The following SORCS1 variants were observed in gnomAD, a reference collection of about 807,000 sequenced individuals.
The protein encoded by SORCS1 is sortilin related VPS10 domain containing receptor 1.
In SORCS1, 60 loss-of-function variants were observed where a neutral mutation model predicts 146.1. The ratio of observed to expected loss-of-function variants is 0.41; its 90% CI spans 0.33 to 0.51. SORCS1 has a LOEUF of 0.51. Among genes scored for constraint, SORCS1 ranks in the 20% least tolerant of loss-of-function variants. The pLI, the probability that SORCS1 is intolerant of heterozygous loss-of-function variation, is 0.21. For missense variants in SORCS1, 1,352 were observed against 1,487.6 expected, an observed-to-expected ratio of 0.91 and a Z score of 1.50; for synonymous variants, 637 against 584.0, an observed-to-expected ratio of 1.09 and a Z score of -1.31.
intron 6 of SORCS1, among the ~76,000 whole-genome samples, chr10:106,725,312 G>A (rs1346408239): frequency 6.6e-6 from 1 of 152,012 alleles, no homozygotes; most frequent in Non-Finnish European, 1.5e-5. Context: ...CACTTTGAAA[G>A]GCCGAGGCAG....
chr10:106,937,972 G>GAAA (rs76116094), intron 2 of SORCS1, among the ~76,000 whole-genome samples: 7 of 129,144 alleles, frequency 5.4e-5, no homozygotes, highest in Non-Finnish European at 4.8e-5. Flanking sequence ...TCAAAAAGAA[G>GAAA]AAAAAAAAAA....
At chr10:107,043,075 A>AG (rs1959183029) in intron 1 of SORCS1, among the ~76,000 whole-genome samples, 1 of 152,214 alleles carries the variant, frequency 6.6e-6, no homozygotes, top group Non-Finnish European at 1.5e-5. Flanking sequence ...ATTCAAATAC[A>AG]CTATTAAGCT....
chr10:106,935,515 T>A (rs1437712152), intron 2 of SORCS1, among the ~76,000 whole-genome samples: 1 of 152,150 alleles, frequency 6.6e-6, no homozygotes, highest in East Asian at 1.9e-4. Flanking sequence ...TAAAAAAAAT[T>A]CCTAGAAGAA....
At chr10:106,718,988 T>C (rs1403125434) in intron 6 of SORCS1, among the ~76,000 whole-genome samples, 1 of 152,154 alleles carries the variant, frequency 6.6e-6, no homozygotes, top group African/African-American at 2.4e-5. Flanking sequence ...AAAGCACTGA[T>C]TAGTGCGTTT....
At chr10:106,873,132 C>T (rs1180803047) in intron 2 of SORCS1, among the ~76,000 whole-genome samples, 3 of 152,042 alleles carry the variant, frequency 2.0e-5, no homozygotes, top group South Asian at 2.1e-4. Flanking sequence ...CGAGATTGCA[C>T]CACTGCACTC....
At chr10:106,755,258 C>T (rs923079123) in intron 5 of SORCS1, among the ~76,000 whole-genome samples, 3 of 152,142 alleles carry the variant, frequency 2.0e-5, no homozygotes, top group African/African-American at 7.2e-5. Flanking sequence ...GTTTTTTCTC[C>T]TGTCTTTTAT....
intron 19 of SORCS1, among the ~76,000 whole-genome samples, chr10:106,622,289 GAAAAA>G (rs554464573): frequency 2.6e-5 from 1 of 39,038 alleles, no homozygotes; most frequent in Non-Finnish European, 5.1e-5. Flanking sequence ...ATTCCATCTC[GAAAAA>G]AAAAAAAAAA....
At chr10:106,963,952 T>C (rs1955379534) in intron 1 of SORCS1, among the ~76,000 whole-genome samples, 1 of 152,182 alleles carries the variant, frequency 6.6e-6, no homozygotes, top group Admixed American at 6.5e-5. Context: ...GAGGGAAGTG[T>C]TTCTATCTTT....
intron 17 of SORCS1, among the ~76,000 whole-genome samples, chr10:106,666,100 G>A (rs182376854): frequency 1.1e-4 from 16 of 152,154 alleles, no homozygotes; most frequent in South Asian, 4.2e-4. Flanking sequence ...TCACCCTCCC[G>A]AAATGCTGAG....
intron 2 of SORCS1, among the ~76,000 whole-genome samples, chr10:106,888,400 A>G (rs571786779): frequency 9.8e-4 from 149 of 152,314 alleles, no homozygotes; most frequent in Non-Finnish European, 1.5e-3. Flanking sequence ...ACTGGAAAAG[A>G]AGAAAATATC....
intron 16 of SORCS1, among the ~76,000 whole-genome samples, chr10:106,669,206 C>T (rs1469032249): frequency 6.6e-6 from 1 of 151,904 alleles, no homozygotes; most frequent in Non-Finnish European, 1.5e-5. Context: ...ATCTGGTATT[C>T]CTTTCATTCT....
intron 2 of SORCS1, among the ~76,000 whole-genome samples, chr10:106,873,135 C>T (rs753747477): frequency 1.3e-5 from 2 of 152,034 alleles, no homozygotes; most frequent in Non-Finnish European, 2.9e-5. Flanking sequence ...GATTGCACCA[C>T]TGCACTCCAG....
intron 1 of SORCS1, among the ~76,000 whole-genome samples, chr10:106,999,041 A>C (rs1172153644): frequency 6.6e-6 from 1 of 152,236 alleles, no homozygotes; most frequent in Non-Finnish European, 1.5e-5. Context: ...AAGTAGTAAG[A>C]AAACTTCTAA....
chr10:107,165,125 T>C (rs1349032066), upstream of SORCS1, among the ~76,000 whole-genome samples: 1 of 152,114 alleles, frequency 6.6e-6, no homozygotes, highest in Non-Finnish European at 1.5e-5. This position sits in a 1 kb window ranked among gnomAD's most constrained non-coding sequence, Gnocchi z 4.0. Flanking sequence ...TCTGGTCTTT[T>C]CTAGTTGAGG....
At chr10:106,978,643 C>T (rs1253374566) in intron 1 of SORCS1, among the ~76,000 whole-genome samples, 1 of 151,950 alleles carries the variant, frequency 6.6e-6, no homozygotes, top group East Asian at 1.9e-4. Flanking sequence ...GCTAAAAATA[C>T]AAAAATTAGC....
intron 24 of SORCS1, among the ~76,000 whole-genome samples, chr10:106,592,837 G>T (rs891333271): frequency 8.1e-5 from 12 of 147,810 alleles, no homozygotes; most frequent in African/African-American, 2.8e-4. Context: ...ATATTAATGT[G>T]TTAATTTCAA....
intron 4 of SORCS1, among the ~76,000 whole-genome samples, chr10:106,769,923 T>C (rs1859882305): frequency 6.6e-6 from 1 of 152,008 alleles, no homozygotes; most frequent in South Asian, 2.1e-4. Flanking sequence ...AAACCCAGTC[T>C]CTACTAAAAA....
At chr10:107,090,379 C>T (rs555583239) in intron 1 of SORCS1, among the ~76,000 whole-genome samples, 8 of 152,212 alleles carry the variant, frequency 5.3e-5, no homozygotes, top group Admixed American at 6.5e-5. Flanking sequence ...TGTGACTAAT[C>T]ATTTTGAGCA....
intron 23 of SORCS1, among the ~76,000 whole-genome samples, chr10:106,599,367 C>CA (rs531734833): frequency 0.013 from 1,522 of 116,512 alleles, 17 homozygotes; most frequent in African/African-American, 0.03. Context: ...AACTCTAATT[C>CA]AAAAAAAAAA....
Sources: allele counts gnomAD v4.1 joint callset (sites outside exome capture counted in the v4.1 genomes callset), GRCh38; gene constraint gnomAD v4.1.1; non-coding constraint Gnocchi (gnomAD v3.1); transcripts MANE v1.5; gene names NCBI Gene and HGNC (gene_info 2026-07-23, HGNC 2026-07-21).